CEP57L1: variants seen among roughly 807,000 people sequenced by gnomAD.
CEP57L1 encodes centrosomal protein 57 like 1, also known as centrosomal protein CEP57L1.
Under a neutral mutation model 61.0 loss-of-function variants are expected in CEP57L1, and 37 were observed. The ratio of observed to expected loss-of-function variants is 0.61; its 90% CI spans 0.47 to 0.80. CEP57L1 has a LOEUF of 0.80. CEP57L1 is among the 30% of genes least tolerant of loss of function. The pLI is 0.00. For synonymous variants in CEP57L1, 137 were observed against 162.3 expected, an observed-to-expected ratio of 0.84 and a Z score of 1.19; for missense variants, 422 against 524.7, an observed-to-expected ratio of 0.80 and a Z score of 1.91.
intron 1 of CEP57L1, among the ~76,000 whole-genome samples, chr6:109,144,346 T>A (rs1771736049): frequency 6.6e-6 from 1 of 152,182 alleles, no homozygotes; most frequent in Admixed American, 6.5e-5. Flanking sequence ...ATAGTGTAAT[T>A]CTTGGATTTC....
chr6:109,130,994 A>G (rs1358711314), intron 1 of CEP57L1, among the ~76,000 whole-genome samples: 3 of 152,194 alleles, frequency 2.0e-5, no homozygotes, highest in Non-Finnish European at 4.4e-5. Context: ...TGGATTTAGC[A>G]GCTATTGATG....
chr6:109,109,701 CGT>C (rs1381354553), intron 1 of CEP57L1, among the ~76,000 whole-genome samples: 3 of 152,312 alleles, frequency 2.0e-5, no homozygotes, highest in Admixed American at 2.0e-4. Flanking sequence ...CACCAAACCC[CGT>C]GACAGGCCCG....
chr6:109,141,702 TATAATAAGATA>T (rs1007927451), intron 1 of CEP57L1, among the ~76,000 whole-genome samples: 41 of 151,860 alleles, frequency 2.7e-4, no homozygotes, highest in African/African-American at 9.2e-4. Context: ...CTTATTCAGT[TATAATAAGATA>T]ATAATAAGAT....
intron 1 of CEP57L1, among the ~76,000 whole-genome samples, chr6:109,112,885 T>C (rs1198460055): frequency 6.6e-6 from 1 of 152,204 alleles, no homozygotes; most frequent in Admixed American, 6.5e-5. Flanking sequence ...CTGTTTGTTA[T>C]GATTTGTGTT....
Position 109,127,685 on chromosome 6 carries a change from G to A in CEP57L1, c.-3-17534G>A, listed in dbSNP as rs185610004. ...ACCCAGGCTGGAGTGCAGTGGCGCA[G>A]TCTCGGCTTGCTGCAACCTCCGCCT... On this transcript the variant is annotated intron_variant, in intron 1 of 10. Coordinates refer to ENST00000517392, the MANE Select transcript of CEP57L1 (RefSeq NM_001271852.3). Among the ~76,000 whole-genome samples the A allele has an allele frequency of 8.3e-3, 1,263 of 151,748 alleles. 24 individuals are homozygous for A. Among genetic ancestry groups the A allele is most frequent in the African/African-American group, 0.029 (1,213 of 41,408 alleles).
Position 109,135,998 on chromosome 6 carries a change from A to T in CEP57L1, c.-3-9221A>T, listed in dbSNP as rs1416038366. Among the ~76,000 whole-genome samples the T allele has an allele frequency of 8.2e-3, 1,243 of 152,178 alleles. 23 individuals are homozygous for T. The highest frequency in any genetic ancestry group is 0.029 in the African/African-American group (1,186 of 41,502). ...TAAACTAGTTCAACCATTGTGGAAG[A>T]CAGTGTGGGGATTCCTCAGGGATCT... On this transcript the variant is annotated intron_variant, in intron 1 of 10. Coordinates refer to ENST00000517392, the MANE Select transcript of CEP57L1 (RefSeq NM_001271852.3).
chr6:109,130,373 C>G (rs964146849), intron 1 of CEP57L1, among the ~76,000 whole-genome samples: 3 of 151,626 alleles, frequency 2.0e-5, no homozygotes, highest in Admixed American at 6.6e-5. Flanking sequence ...AGCATCATAT[C>G]TTCAAGGTTC....
chr6:109,132,571 A>G (rs1041428745), intron 1 of CEP57L1, among the ~76,000 whole-genome samples: 3 of 152,182 alleles, frequency 2.0e-5, no homozygotes, highest in South Asian at 4.1e-4. Flanking sequence ...TTAATAATGT[A>G]TTTCCTGGTG....
intron 1 of CEP57L1, among the ~76,000 whole-genome samples, chr6:109,112,550 C>T (rs1028291821): frequency 2.0e-5 from 3 of 151,992 alleles, no homozygotes; most frequent in Admixed American, 2.0e-4. Flanking sequence ...TTGTCTTCTG[C>T]TAGCTTTTGA....
intron 1 of CEP57L1, among the ~76,000 whole-genome samples, chr6:109,134,932 G>C (rs1385958973): frequency 6.6e-6 from 1 of 152,128 alleles, no homozygotes; most frequent in Non-Finnish European, 1.5e-5. Context: ...ACAAATGGAA[G>C]AACATTCCAT....
At chr6:109,151,963 A>AT (rs958354083) in intron 4 of CEP57L1, among the ~76,000 whole-genome samples, 32 of 147,716 alleles carry the variant, frequency 2.2e-4, no homozygotes, top group Middle Eastern at 3.5e-3. Context: ...GTTGCTAAGT[A>AT]TTTTTTTTTT....
At chr6:109,096,283 G>C (rs1320006033) in intron 1 of CEP57L1, among the ~76,000 whole-genome samples, 1 of 152,156 alleles carries the variant, frequency 6.6e-6, no homozygotes, top group Non-Finnish European at 1.5e-5. Context: ...ATTTCGTCTT[G>C]CTAGGCACTG....
intron 1 of CEP57L1, among the ~76,000 whole-genome samples, chr6:109,110,303 T>C (rs951444028): frequency 6.6e-6 from 1 of 152,234 alleles, no homozygotes; most frequent in Non-Finnish European, 1.5e-5. Context: ...GATGATGAGC[T>C]TTTTTTCATA....
In CEP57L1 at chr6:109,145,327, C is replaced by T. The variant is rs770142722; in HGVS notation, c.106C>T (p.Pro36Ser). The T allele has an allele frequency of 1.9e-6, 3 of 1,611,526 alleles. No individual in the cohort carries two copies. The African/African-American group carries it at 4.0e-5, about 22-fold the overall frequency. ...TQNEPSQNCH[P>S]ANLEVTSPKI... ...GAATGAACCATCTCAGAATTGCCAT[C>T]CTGCAAACTTAGAAGTTACCTCTCC... is the stretch of plus-strand genomic sequence containing the variant. Residue 36 changes from proline to serine, a missense_variant, in exon 2 of 11, where the codon CCT becomes TCT. Physicochemically the swap from Pro to Ser is moderately conservative, Grantham distance 74. Coordinates refer to ENST00000517392, the MANE Select transcript of CEP57L1 (RefSeq NM_001271852.3).
chr6:109,112,197 C>A (rs1458152983), intron 1 of CEP57L1, among the ~76,000 whole-genome samples: 4 of 152,148 alleles, frequency 2.6e-5, no homozygotes, highest in Admixed American at 6.5e-5. Context: ...CCCTCAATTT[C>A]AGAACCTGTT....
rs1169922871 is a variant in CEP57L1, at chr6:109,163,194, C to T, written c.*224C>T. ...TCTTATTGATTGAAGCCCGTAACCT[C>T]ATCTTGTCTTAGAAACATTGTTGGC... On this transcript the variant is annotated 3_prime_UTR_variant, in exon 11 of 11. Coordinates refer to ENST00000517392, the MANE Select transcript of CEP57L1 (RefSeq NM_001271852.3). 5.1e-6 allele frequency: 2 copies of T among 394,450 alleles called. No individual in the cohort carries two copies. Among genetic ancestry groups the T allele is most frequent in the Non-Finnish European group, 9.1e-6 (2 of 220,104 alleles). The allele number at this position is 394,450 out of a possible 1,614,324, so 24.4% of individuals were successfully genotyped here. A position where few individuals can be genotyped will look rare whatever the true frequency, so the allele number is the denominator to read the frequency against.
intron 4 of CEP57L1, among the ~76,000 whole-genome samples, chr6:109,151,563 G>A (rs1249268380): frequency 3.9e-5 from 6 of 151,902 alleles, no homozygotes; most frequent in African/African-American, 1.5e-4. Flanking sequence ...GCTTCAAATG[G>A]TCAATTATCC....
At chr6:109,145,769 C>T (rs575661952) in intron 2 of CEP57L1, among the ~76,000 whole-genome samples, 2 of 151,970 alleles carry the variant, frequency 1.3e-5, no homozygotes, top group South Asian at 4.2e-4. Context: ...CAAAATTATT[C>T]TTGAAAATAT....
At chr6:109,131,487 T>C (rs190730873) in intron 1 of CEP57L1, among the ~76,000 whole-genome samples, 1 of 152,180 alleles carries the variant, frequency 6.6e-6, no homozygotes, top group Admixed American at 6.6e-5. Flanking sequence ...AATGGAAAGA[T>C]ATAAACTCCT....
Sources: allele counts gnomAD v4.1 joint callset (sites outside exome capture counted in the v4.1 genomes callset), GRCh38; gene constraint gnomAD v4.1.1; transcripts MANE v1.5; gene names NCBI Gene and HGNC (gene_info 2026-07-23, HGNC 2026-07-21).